The following INPP5A variants were observed in gnomAD, a reference collection of about 807,000 sequenced individuals.
INPP5A encodes the protein 43 kDa inositol polyphosphate 5-phophatase.
In INPP5A, 14 loss-of-function variants were observed where a neutral mutation model predicts 65.2. That is an observed-to-expected ratio of 0.21 (90% CI 0.14 to 0.34). The LOEUF (loss-of-function observed/expected upper bound fraction) is 0.34, where lower values mean the gene tolerates loss of function less well. Ranked by LOEUF, INPP5A falls within the 10% of genes least tolerant of loss-of-function variation. INPP5A has a pLI of 1.00. For synonymous variants in INPP5A, 207 were observed against 208.3 expected (o/e 0.99, Z 0.05); for missense variants, 431 against 545.6 (o/e 0.79, Z 2.09).
Position 132,616,609 on chromosome 10 carries a change from G to C in INPP5A, c.117+8653G>C, listed in dbSNP as rs1432205773. On this transcript the variant is annotated intron_variant, in intron 2 of 15. Coordinates refer to ENST00000368594, the MANE Select transcript of INPP5A (RefSeq NM_005539.5). The surrounding 1 kb of genome is among the most constrained non-coding windows in gnomAD (Gnocchi z 4.9). ...GGTGGTGACATGGGATGTGGTTTTG[G>C]GGTTGCAGTGGTGACATGGGACATG... Among the ~76,000 whole-genome samples the C allele has an allele frequency of 6.6e-6, 1 of 151,978 alleles. No homozygotes were observed. The highest frequency in any genetic ancestry group is 1.9e-4 in the East Asian group (1 of 5,198).
At chr10:132,602,226 A>G (rs572624164) in intron 1 of INPP5A, among the ~76,000 whole-genome samples, 8 of 152,202 alleles carry the variant, frequency 5.3e-5, no homozygotes, top group Non-Finnish European at 1.2e-4. Context: ...ATGGGATTTT[A>G]AAACATTTTC....
chr10:132,654,510 C>T (rs2072625430), intron 4 of INPP5A, among the ~76,000 whole-genome samples: 1 of 152,206 alleles, frequency 6.6e-6, no homozygotes, highest in South Asian at 2.1e-4. Flanking sequence ...GCTGGGGGCC[C>T]TCGGGGTGTC....
chr10:132,681,326 C>A (rs2073041599), intron 4 of INPP5A, among the ~76,000 whole-genome samples: 1 of 152,188 alleles, frequency 6.6e-6, no homozygotes, highest in Admixed American at 6.5e-5. Flanking sequence ...TTCTTTCGCT[C>A]TTTGCAATAA....
chr10:132,689,935 C>T (rs922200245), intron 4 of INPP5A, among the ~76,000 whole-genome samples: 4 of 152,234 alleles, frequency 2.6e-5, no homozygotes, highest in African/African-American at 9.7e-5. Flanking sequence ...AGGACGAAGC[C>T]GAGCATCAGT....
intron 13 of INPP5A, among the ~76,000 whole-genome samples, chr10:132,779,580 C>A (rs111641084): frequency 6.6e-6 from 1 of 152,234 alleles, no homozygotes; most frequent in African/African-American, 2.4e-5. Context: ...TCTCTGGATC[C>A]GGGACTTGAC....
In INPP5A at chr10:132,749,604, G is replaced by A. The variant is rs147362550; in HGVS notation, c.820G>A (p.Asp274Asn). The A allele has an allele frequency of 1.4e-4, 225 of 1,612,908 alleles. 1 individual carries two copies. The African/African-American group carries it at 2.3e-3, about 17-fold the overall frequency. Residue 274 changes from aspartate (D) to asparagine (N), a missense_variant, in exon 10 of 16, where the codon GAC becomes AAC. Transcript: ENST00000368594. ...GCTCATATTTCGTGAGTCGGACAACGACCGGAAGGTGAGCGGGGCCTGTGA... is the reference window on the plus strand; with the variant it reads ...GCTCATATTTCGTGAGTCGGACAACAACCGGAAGGTGAGCGGGGCCTGTGA... ...VKLIFRESDNDRKVMLQLEKK... is the reference protein window; with the variant it reads ...VKLIFRESDNNRKVMLQLEKK...
chr10:132,741,057 G>A lies in INPP5A; in HGVS notation c.733-8460G>A, dbSNP rs546795894. Among the ~76,000 whole-genome samples, 5 of 152,234 alleles carry A rather than the reference G, an allele frequency of 3.3e-5. No homozygotes were observed. The highest frequency in any genetic ancestry group is 1.9e-4 in the East Asian group (1 of 5,170). ...AGCCTGGGCAACATAGGGAGTCCCC[G>A]TCTCTACAGAAAATAAGAAAGTAAA... On this transcript the variant is annotated intron_variant, in intron 9 of 15. Transcript: ENST00000368594. The surrounding 1 kb of genome is among the most constrained non-coding windows in gnomAD (Gnocchi z 4.4).
At chr10:132,728,960 C>T (rs906217030) in intron 9 of INPP5A, among the ~76,000 whole-genome samples, 14 of 152,010 alleles carry the variant, frequency 9.2e-5, no homozygotes, top group African/African-American at 2.2e-4. Context: ...TCTTGGCAGG[C>T]GTGGGGGTCC....
chr10:132,600,730 G>C (rs967035259), intron 1 of INPP5A, among the ~76,000 whole-genome samples: 3 of 152,232 alleles, frequency 2.0e-5, no homozygotes, highest in African/African-American at 7.2e-5. Context: ...CATCACTGGG[G>C]AGGCCCCAGA....
At chr10:132,721,128 T>TC (rs1166600286) in intron 8 of INPP5A, among the ~76,000 whole-genome samples, 1 of 151,514 alleles carries the variant, frequency 6.6e-6, no homozygotes, top group Non-Finnish European at 1.5e-5. Context: ...TCTTCAGGGT[T>TC]CTGTGGTACC....
chr10:132,716,466 G>A (rs920682324), intron 8 of INPP5A, among the ~76,000 whole-genome samples: 4 of 152,364 alleles, frequency 2.6e-5, no homozygotes, highest in African/African-American at 9.6e-5. Flanking sequence ...TCTGCCGGAC[G>A]TCTCCACGAG....
chr10:132,771,416 T>A (rs532260314), intron 12 of INPP5A, among the ~76,000 whole-genome samples: 9 of 152,202 alleles, frequency 5.9e-5, no homozygotes, highest in African/African-American at 2.2e-4. Context: ...GCGCCGGCAG[T>A]TTTACCACCT....
chr10:132,617,290 A>G (rs1220485741), intron 2 of INPP5A, among the ~76,000 whole-genome samples: 2 of 152,160 alleles, frequency 1.3e-5, no homozygotes, highest in Admixed American at 6.5e-5. Context: ...GCTCCTGTGC[A>G]GTGTGGCTTG....
chr10:132,619,543 T>C (rs1439402126), intron 2 of INPP5A, among the ~76,000 whole-genome samples: 1 of 152,092 alleles, frequency 6.6e-6, no homozygotes, highest in East Asian at 1.9e-4. Flanking sequence ...GGCCCCCTGC[T>C]CACAGATCCA....
intron 1 of INPP5A, among the ~76,000 whole-genome samples, chr10:132,554,896 GTGGTATGGGTGGCA>G (rs1815716896): frequency 6.8e-6 from 1 of 146,706 alleles, no homozygotes; most frequent in Non-Finnish European, 1.5e-5. Context: ...GGTAGCATGG[GTGGTATGGGTGGCA>G]TGGTGTGGGT....
At chr10:132,743,422 C>T (rs972459919) in intron 9 of INPP5A, among the ~76,000 whole-genome samples, 4 of 150,270 alleles carry the variant, frequency 2.7e-5, no homozygotes, top group Admixed American at 6.6e-5. Context: ...AGGGCGAGCC[C>T]ACCCACCAGC....
chr10:132,696,948 C>T lies in INPP5A; in HGVS notation c.371-868C>T, dbSNP rs563472706. Among the ~76,000 whole-genome samples, 10 of 152,340 alleles carry T rather than the reference C, an allele frequency of 6.6e-5. No homozygotes were observed. The South Asian group carries it at 2.1e-3, about 32-fold the overall frequency. Reference sequence around the variant, plus strand: ...CATGGTGCTGTGGTCCTCAGGTTGCCCCCTCTGTTCCTCCTGCCATAGTGG... The same window carrying T: ...CATGGTGCTGTGGTCCTCAGGTTGCTCCCTCTGTTCCTCCTGCCATAGTGG... On this transcript the variant is annotated intron_variant, in intron 5 of 15. Coordinates refer to ENST00000368594, the MANE Select transcript of INPP5A (RefSeq NM_005539.5).
intron 1 of INPP5A, among the ~76,000 whole-genome samples, chr10:132,580,515 AG>A (rs1017818821): frequency 6.6e-6 from 1 of 152,240 alleles, no homozygotes; most frequent in Non-Finnish European, 1.5e-5. Context: ...TACCAGTCTC[AG>A]GTAAGTCTTC....
intron 11 of INPP5A, among the ~76,000 whole-genome samples, chr10:132,759,336 G>C (rs1043960328): frequency 1.3e-5 from 2 of 151,764 alleles, no homozygotes; most frequent in African/African-American, 2.4e-5. Context: ...GTACAGAGGA[G>C]GGTCGGGGAT....
Sources: allele counts gnomAD v4.1 joint callset (sites outside exome capture counted in the v4.1 genomes callset), GRCh38; gene constraint gnomAD v4.1.1; non-coding constraint Gnocchi (gnomAD v3.1); transcripts MANE v1.5; gene names NCBI Gene and HGNC (gene_info 2026-07-23, HGNC 2026-07-21).